The following POU6F2 variants were observed in gnomAD, a reference collection of about 807,000 sequenced individuals.
POU6F2 encodes POU domain, class 6, transcription factor 2.
A neutral mutation model predicts 71.3 loss-of-function variants in POU6F2; 31 were observed. The observed-to-expected ratio is 0.43, with a 90% CI of 0.33 to 0.59. The LOEUF is 0.59. POU6F2 is among the 20% of genes least tolerant of loss of function. The probability of loss-of-function intolerance (pLI) is 0.04; values close to 1 mark genes in which losing one functional copy is unlikely to be tolerated. For synonymous variants in POU6F2, 347 were observed against 355.7 expected (o/e 0.98, Z 0.27); for missense variants, 783 against 856.8 (o/e 0.91, Z 1.07).
At chr7:39,256,281 G>A (rs895228884) in intron 4 of POU6F2, among the ~76,000 whole-genome samples, 3 of 152,126 alleles carry the variant, frequency 2.0e-5, no homozygotes, top group African/African-American at 7.2e-5. Context: ...AACAAGAAGG[G>A]TGGAATCTGG....
At chr7:39,047,611 A>G (rs1584516129) in intron 1 of POU6F2, among the ~76,000 whole-genome samples, 1 of 151,840 alleles carries the variant, frequency 6.6e-6, no homozygotes, top group East Asian at 1.9e-4. Flanking sequence ...TATTCCTAGA[A>G]CTTTCTCCAT....
At chr7:39,389,320 A>G (rs1322717187) in intron 5 of POU6F2, among the ~76,000 whole-genome samples, 1 of 152,236 alleles carries the variant, frequency 6.6e-6, no homozygotes, top group Non-Finnish European at 1.5e-5. Flanking sequence ...GATGAATTCT[A>G]AAATATCAAA....
At chr7:39,326,481 C>T (rs1330666540) in intron 4 of POU6F2, among the ~76,000 whole-genome samples, 1 of 152,186 alleles carries the variant, frequency 6.6e-6, no homozygotes, top group African/African-American at 2.4e-5. Flanking sequence ...TCAATGTTTC[C>T]ATAAACAGTC....
chr7:39,075,619 T>C (rs1790985507), intron 1 of POU6F2, among the ~76,000 whole-genome samples: 2 of 152,210 alleles, frequency 1.3e-5, no homozygotes, highest in Admixed American at 1.3e-4. Flanking sequence ...ACGCTTCTAA[T>C]ACGCTGTGTG....
At chr7:39,076,608 A>G (rs2128719186) in intron 1 of POU6F2, among the ~76,000 whole-genome samples, 1 of 152,338 alleles carries the variant, frequency 6.6e-6, no homozygotes, top group South Asian at 2.1e-4. Context: ...TGCATTGCCA[A>G]TATGCAATAT....
chr7:39,152,863 T>C (rs1189685177), intron 2 of POU6F2, among the ~76,000 whole-genome samples: 1 of 152,220 alleles, frequency 6.6e-6, no homozygotes, highest in East Asian at 1.9e-4. Context: ...AGCTGACAAC[T>C]TGATAAAATG....
intron 2 of POU6F2, among the ~76,000 whole-genome samples, chr7:39,173,916 T>G (rs10244776): frequency 1.3e-5 from 2 of 152,174 alleles, no homozygotes; most frequent in South Asian, 4.1e-4. Context: ...AGTGGAAATT[T>G]AGGGCTATTC....
chr7:39,026,557 A>T (rs1345430387), intron 1 of POU6F2, among the ~76,000 whole-genome samples: 2 of 152,132 alleles, frequency 1.3e-5, no homozygotes. Flanking sequence ...CAATGAGAAC[A>T]CATGGACACA....
At chr7:39,231,645 C>T (rs1408803007) in intron 4 of POU6F2, among the ~76,000 whole-genome samples, 1 of 151,942 alleles carries the variant, frequency 6.6e-6, no homozygotes, top group East Asian at 1.9e-4. Context: ...AATGTGGGTA[C>T]AATACGATAT....
intron 2 of POU6F2, among the ~76,000 whole-genome samples, chr7:39,099,636 C>T (rs1310327342): frequency 6.6e-6 from 1 of 152,116 alleles, no homozygotes; most frequent in African/African-American, 2.4e-5. Flanking sequence ...GAATCACCAC[C>T]CTTGACCTAG....
At chr7:39,151,817 A>C (rs1195459318) in intron 2 of POU6F2, among the ~76,000 whole-genome samples, 1 of 152,174 alleles carries the variant, frequency 6.6e-6, no homozygotes, top group Non-Finnish European at 1.5e-5. Flanking sequence ...TTTCAAATCC[A>C]GTTCTTCCAA....
chr7:39,096,212 A>C (rs1167592149), intron 2 of POU6F2, among the ~76,000 whole-genome samples: 1 of 152,156 alleles, frequency 6.6e-6, no homozygotes, highest in Non-Finnish European at 1.5e-5. Context: ...AAAACCCATA[A>C]AAGTGTGGCA....
chr7:39,316,155 C>T (rs1367330413), intron 4 of POU6F2, among the ~76,000 whole-genome samples: 3 of 152,100 alleles, frequency 2.0e-5, no homozygotes, highest in Admixed American at 6.5e-5. Context: ...AAATAGCATG[C>T]CTCAGTCTAT....
At chr7:39,088,132 C>T (rs76104701) in intron 2 of POU6F2, among the ~76,000 whole-genome samples, 5,787 of 152,200 alleles carry the variant, frequency 0.038, 355 homozygotes, top group African/African-American at 0.13. Flanking sequence ...GGTCTCTAGA[C>T]TGTTTTTCAA....
intron 4 of POU6F2, among the ~76,000 whole-genome samples, chr7:39,268,667 C>T (rs1784292837): frequency 6.6e-6 from 1 of 152,222 alleles, no homozygotes; most frequent in Non-Finnish European, 1.5e-5. Context: ...CTGCCAGACA[C>T]TCACGCTCAT....
chr7:39,126,171 C>T (rs1311759582), intron 2 of POU6F2, among the ~76,000 whole-genome samples: 2 of 152,204 alleles, frequency 1.3e-5, no homozygotes, highest in African/African-American at 4.8e-5. Context: ...ACCTAACCTT[C>T]GTCACCATGT....
At chr7:39,392,327 A>C (rs1787089210) in intron 5 of POU6F2, among the ~76,000 whole-genome samples, 1 of 152,232 alleles carries the variant, frequency 6.6e-6, no homozygotes, top group South Asian at 2.1e-4. Flanking sequence ...CTGAGTCAGC[A>C]GGTCTAGGGT....
intron 2 of POU6F2, among the ~76,000 whole-genome samples, chr7:39,143,836 A>G (rs974889862): frequency 2.6e-5 from 4 of 152,358 alleles, no homozygotes; most frequent in African/African-American, 7.2e-5. Flanking sequence ...ATTTTATTCT[A>G]TGTAGAAGGA....
intron 4 of POU6F2, among the ~76,000 whole-genome samples, chr7:39,228,011 G>T (rs563690205): frequency 6.6e-6 from 1 of 152,176 alleles, no homozygotes; most frequent in South Asian, 2.1e-4. Flanking sequence ...TGGTGGGCCT[G>T]GATTCATCCC....
Sources: gnomAD v4.1 joint callset for allele counts (sites outside exome capture counted in the v4.1 genomes callset) on GRCh38, gnomAD v4.1.1 for gene constraint, MANE v1.5 for transcripts, NCBI Gene and HGNC (gene_info 2026-07-23, HGNC 2026-07-21) for gene names.